The following CHD8 variants were observed in gnomAD, a reference collection of about 807,000 sequenced individuals.
CHD8 encodes chromodomain helicase DNA binding protein 8, also known as ATP-dependent chromatin remodeler CHD8.
In CHD8, 31 loss-of-function variants were observed where a neutral mutation model predicts 279.2. The ratio of observed to expected loss-of-function variants is 0.11; its 90% CI spans 0.08 to 0.15. CHD8 has a LOEUF of 0.15. Among genes scored for constraint, CHD8 ranks in the 10% least tolerant of loss-of-function variants. The pLI, the probability that CHD8 is intolerant of heterozygous loss-of-function variation, is 1.00. For synonymous variants in CHD8, 1,081 were observed against 1,139.6 expected (o/e 0.95, Z 1.04); for missense variants, 2,146 against 3,230.5 (o/e 0.66, Z 8.14).
intron 10 of CHD8, among the ~76,000 whole-genome samples, chr14:21,411,882 G>A (rs1442048172): frequency 6.6e-6 from 1 of 151,992 alleles, no homozygotes; most frequent in Admixed American, 6.6e-5. Flanking sequence ...TGGCTAACAT[G>A]GTGAAACCCT....
intron 11 of CHD8, 41 bp downstream of exon 11, chr14:21,409,810 T>G (rs756836934): frequency 6.5e-7 from 1 of 1,547,318 alleles, no homozygotes; most frequent in African/African-American, 1.4e-5. Flanking sequence ...ATTTAATCAT[T>G]TCTTATGTAG....
intron 5 of CHD8, 105 bp from the exon 6 acceptor site, chr14:21,416,012 T>C: frequency 1.1e-6 from 1 of 900,104 alleles, no homozygotes; most frequent in Non-Finnish European, 1.7e-6. Flanking sequence ...TCCAAAATTT[T>C]CATGAAAAAT....
In CHD8 at chr14:21,412,830, A is replaced by G. The variant is rs1028675213; in HGVS notation, c.2226+83T>C. ...TTTCAGTCCAAGGGATTCTGCATCC[A>G]TACCCGAAAAATAAAGGATTGGCAA... On this transcript the variant is annotated intron_variant, in intron 10 of 37. Transcript: ENST00000646647. 9.7e-6 allele frequency: 8 copies of G among 828,878 alleles called. No individual in the cohort carries two copies. The African/African-American group carries it at 1.2e-4, about 12-fold the overall frequency. 51.3% of individuals were successfully genotyped at this position (828,878 alleles called of 1,614,324 possible). A position where few individuals can be genotyped will look rare whatever the true frequency, so the allele number is the denominator to read the frequency against.
In CHD8 at chr14:21,401,966, G is replaced by A. The variant is rs986406117; in HGVS notation, c.4053C>T (p.Thr1351=). 1.9e-6 allele frequency: 3 copies of A among 1,612,520 alleles called. No individual in the cohort carries two copies. Among genetic ancestry groups the A allele is most frequent in the Non-Finnish European group, 1.7e-6 (2 of 1,179,520 alleles). The change falls in exon 20 of 38, where the codon ACC becomes ACT. Residue 1351 remains threonine, a synonymous_variant. Coordinates refer to ENST00000646647, the MANE Select transcript of CHD8 (RefSeq NM_001170629.2). ...ITIESEGKGS[T]FAKASFVASE... ...CATAGACAGAACATGCCTTAGCAAA[G>A]GTGGAACCTTTTCCTTCAGATTCAA...
rs572093250 is a variant in CHD8 at position 21,399,424 on chromosome 14, A to G, written c.4921+178T>C. ...TACCTATCCATCTGGCCCTTCTTGA[A>G]CATCTATTTATAGGAACTAACTGCT... On this transcript the variant is annotated intron_variant, in intron 26 of 37. Transcript: ENST00000646647. 1.3e-4 allele frequency: 72 copies of G among 570,104 alleles called. 1 individual carries two copies. The South Asian group carries it at 1.4e-3, about 11-fold the overall frequency. The allele number at this position is 570,104 out of a possible 1,614,324, so 35.3% of individuals were successfully genotyped here.
At chr14:21,419,361 C>T (rs1213183344) in intron 5 of CHD8, among the ~76,000 whole-genome samples, 1 of 152,098 alleles carries the variant, frequency 6.6e-6, no homozygotes, top group African/African-American at 2.4e-5. Context: ...GAGTTCAAGA[C>T]CAGCCTGAGC....
intron 1 of CHD8, chr14:21,437,369 T>C (rs759563656): frequency 1.7e-5 from 11 of 638,134 alleles, no homozygotes; most frequent in African/African-American, 2.0e-5. Context: ...GGTGGGACTA[T>C]AAGGAGCTCC....
intron 5 of CHD8, chr14:21,425,892 T>C (rs1169001724): frequency 8.7e-6 from 4 of 459,526 alleles, no homozygotes; most frequent in Non-Finnish European, 1.1e-5. Context: ...GCTGAGATCA[T>C]GCCACTGCAC....
At chr14:21,451,794 G>A (rs1280368731) in intron 1 of CHD8, among the ~76,000 whole-genome samples, 1 of 151,972 alleles carries the variant, frequency 6.6e-6, no homozygotes, top group Non-Finnish European at 1.5e-5. Context: ...GTGAAGGATG[G>A]AAACTATATA....
In CHD8 at chr14:21,393,395, CAA is replaced by C. The variant is rs895261004; in HGVS notation, c.6319+79_6319+80del. 12 of 1,498,784 alleles carry C rather than the reference CAA, an allele frequency of 8.0e-6. No individual in the cohort carries two copies. In the African/African-American group the frequency reaches 1.7e-4, roughly 21 times the overall value. 92.8% of individuals were successfully genotyped at this position (1,498,784 alleles called of 1,614,324 possible). ...ATCAAATCAAAATCCAAATCTCTCTCAAGAGGATGCATTTAGAAAAGGGAAAG... is the reference window on the plus strand; with the variant it reads ...ATCAAATCAAAATCCAAATCTCTCTCGAGGATGCATTTAGAAAAGGGAAAG... On this transcript the variant is annotated intron_variant, in intron 32 of 37. Coordinates refer to ENST00000646647, the MANE Select transcript of CHD8 (RefSeq NM_001170629.2).
intron 5 of CHD8, chr14:21,416,499 C>T (rs1888730398): frequency 6.6e-6 from 1 of 152,256 alleles, no homozygotes; most frequent in Non-Finnish European, 1.5e-5. Flanking sequence ...GGTACAGTGG[C>T]TTATGCCTGT....
intron 1 of CHD8, among the ~76,000 whole-genome samples, chr14:21,438,040 G>C (rs577511816): frequency 4.6e-5 from 7 of 152,102 alleles, no homozygotes; most frequent in Non-Finnish European, 1.0e-4. Context: ...TGGTGTGCAA[G>C]CTTAAATCCA....
chr14:21,426,030 A>C, intron 5 of CHD8, 98 bp downstream of exon 5: 2 of 720,442 alleles, frequency 2.8e-6, no homozygotes, highest in South Asian at 3.6e-5. Flanking sequence ...AAAGCCAAAG[A>C]AATGTGTATA....
intron 1 of CHD8, among the ~76,000 whole-genome samples, chr14:21,439,767 T>C (rs1483203103): frequency 2.0e-5 from 3 of 152,212 alleles, no homozygotes; most frequent in Non-Finnish European, 2.9e-5. Flanking sequence ...TCCTGTCTTA[T>C]TTTCTACCAT....
In CHD8 at chr14:21,431,349, G is replaced by C. The variant is rs1275308388; in HGVS notation, c.295C>G (p.Pro99Ala). ...TGGGCTGGCTGCTCCTGGCTGGCAGGCTGAGTGGTATAATCATGCAAGGTT... is the reference window on the plus strand; with the variant it reads ...TGGGCTGGCTGCTCCTGGCTGGCAGCCTGAGTGGTATAATCATGCAAGGTT... Reference protein sequence around the residue: ...SITLHDYTTQPASQEQPAQPV... With the variant: ...SITLHDYTTQAASQEQPAQPV... The change falls in exon 2 of 38, where the codon CCT becomes GCT. Residue 99 changes from proline (P) to alanine (A), a missense_variant. By Grantham distance (27) the Pro-to-Ala change is conservative. Coordinates refer to ENST00000646647, the MANE Select transcript of CHD8 (RefSeq NM_001170629.2). 1 of 1,538,232 alleles carries C rather than the reference G, an allele frequency of 6.5e-7. No individual in the cohort carries two copies. The highest frequency in any genetic ancestry group is 8.7e-7 in the Non-Finnish European group (1 of 1,147,532).
At chr14:21,390,578 G>A (rs957119392) in intron 37 of CHD8, among the ~76,000 whole-genome samples, 3 of 152,154 alleles carry the variant, frequency 2.0e-5, no homozygotes, top group Admixed American at 2.0e-4. Flanking sequence ...AGGAGTTCAA[G>A]ACCGGCCTGG....
chr14:21,416,860 C>T (rs1453146844), intron 5 of CHD8, among the ~76,000 whole-genome samples: 6 of 151,832 alleles, frequency 4.0e-5, no homozygotes, highest in African/African-American at 1.5e-4. Flanking sequence ...AATCCTAGCA[C>T]TTTGGGAGAC....
intron 1 of CHD8, among the ~76,000 whole-genome samples, chr14:21,439,134 A>G (rs561146745): frequency 5.5e-4 from 83 of 151,490 alleles, no homozygotes; most frequent in Middle Eastern, 3.4e-3. Flanking sequence ...CTCAAAAAAG[A>G]AAAAAAAAGG....
At chr14:21,439,728 C>T (rs754802122) in intron 1 of CHD8, among the ~76,000 whole-genome samples, 1 of 152,152 alleles carries the variant, frequency 6.6e-6, no homozygotes, top group Admixed American at 6.5e-5. Flanking sequence ...TTCAAAGGCT[C>T]CCAATTACTT....
Sources: gnomAD v4.1 joint callset for allele counts (sites outside exome capture counted in the v4.1 genomes callset) on GRCh38, gnomAD v4.1.1 for gene constraint, MANE v1.5 for transcripts, NCBI Gene and HGNC (gene_info 2026-07-23, HGNC 2026-07-21) for gene names.